The following SPMIP11 variants were observed in gnomAD, a reference collection of about 807,000 sequenced individuals.
The protein encoded by SPMIP11 is long intergenic non-protein coding RNA 935.
the SPMIP11 span, among the ~76,000 whole-genome samples, chr12:48,749,629 C>T: frequency 2.2e-3 from 140 of 62,636 alleles, no homozygotes; most frequent in Admixed American, 0.019. Flanking sequence ...GAGTGAAACT[C>T]GGTGTCAAAA....
the SPMIP11 span, chr12:48,767,889 C>T: frequency 1.3e-5 from 2 of 153,420 alleles, no homozygotes; most frequent in Non-Finnish European, 1.5e-5. Flanking sequence ...CCAGACACCC[C>T]GTTCCCTGGA....
the SPMIP11 span, among the ~76,000 whole-genome samples, chr12:48,738,251 A>AT: frequency 6.6e-6 from 1 of 152,244 alleles, no homozygotes; most frequent in Non-Finnish European, 1.5e-5. Flanking sequence ...ATACAGGCTT[A>AT]TAACAGCAAA....
At chr12:48,735,427 G>T in the SPMIP11 span, among the ~76,000 whole-genome samples, 5 of 152,052 alleles carry the variant, frequency 3.3e-5, no homozygotes, top group Admixed American at 3.3e-4. Context: ...GGTCAACATG[G>T]TGAAACACCC....
At chr12:48,767,985 C>T in the SPMIP11 span, 1 of 157,486 alleles carries the variant, frequency 6.3e-6, no homozygotes, top group East Asian at 1.9e-4. Flanking sequence ...AGATTTGGCA[C>T]ATGGAAACAT....
chr12:48,738,042 C>T, the SPMIP11 span, among the ~76,000 whole-genome samples: 4 of 151,730 alleles, frequency 2.6e-5, no homozygotes, highest in Non-Finnish European at 4.4e-5. Flanking sequence ...CCAGGATGAT[C>T]TTGAACTCCT....
chr12:48,756,771 C>CTTTCTTTTTT, the SPMIP11 span, among the ~76,000 whole-genome samples: 2 of 108,648 alleles, frequency 1.8e-5, no homozygotes, highest in Non-Finnish European at 4.8e-5. Flanking sequence ...ATTTTTTTTT[C>CTTTCTTTTTT]TTTTTTTCTT....
chr12:48,741,005 G>A, the SPMIP11 span, among the ~76,000 whole-genome samples: 2 of 151,576 alleles, frequency 1.3e-5, no homozygotes, highest in African/African-American at 2.4e-5. Flanking sequence ...TGCATTTAGT[G>A]AGCGTGTCTC....
At chr12:48,740,136 C>G in the SPMIP11 span, among the ~76,000 whole-genome samples, 2 of 151,976 alleles carry the variant, frequency 1.3e-5, no homozygotes, top group Non-Finnish European at 1.5e-5. Flanking sequence ...GAAATAAAGC[C>G]AATAAGGTCA....
At chr12:48,769,610 G>C in the SPMIP11 span, among the ~76,000 whole-genome samples, 4 of 142,980 alleles carry the variant, frequency 2.8e-5, no homozygotes, top group Admixed American at 7.0e-5. Context: ...TTTTTGAGAT[G>C]GAGTCTTGCT....
chr12:48,742,284 T>TTTC, the SPMIP11 span, among the ~76,000 whole-genome samples: 26 of 136,824 alleles, frequency 1.9e-4, no homozygotes, highest in South Asian at 5.1e-4. Flanking sequence ...TTTCCTTTTT[T>TTTC]TTTTTTTTTT....
chr12:48,728,525 G>C, the SPMIP11 span, among the ~76,000 whole-genome samples: 1 of 151,982 alleles, frequency 6.6e-6, no homozygotes, highest in Admixed American at 6.6e-5. Flanking sequence ...TGGCTAACAC[G>C]GTGAAACCCC....
chr12:48,742,799 C>T, the SPMIP11 span, among the ~76,000 whole-genome samples: 2 of 151,382 alleles, frequency 1.3e-5, no homozygotes, highest in South Asian at 2.1e-4. Flanking sequence ...GCAGGAGGAT[C>T]GCTTGAACCC....
At chr12:48,757,119 T>C in the SPMIP11 span, among the ~76,000 whole-genome samples, 1 of 151,986 alleles carries the variant, frequency 6.6e-6, no homozygotes, top group Non-Finnish European at 1.5e-5. Flanking sequence ...CTGGAGGAGA[T>C]AGGGAAAGGG....
At chr12:48,762,300 C>T in the SPMIP11 span, among the ~76,000 whole-genome samples, 37 of 149,584 alleles carry the variant, frequency 2.5e-4, no homozygotes, top group African/African-American at 8.1e-4. Context: ...CCTCATGATC[C>T]GCCCACCTCG....
the SPMIP11 span, among the ~76,000 whole-genome samples, chr12:48,755,241 G>A: frequency 5.3e-5 from 8 of 152,148 alleles, no homozygotes; most frequent in Non-Finnish European, 4.4e-5. Flanking sequence ...CATTAAAGGT[G>A]GTTTTATGGC....
the SPMIP11 span, among the ~76,000 whole-genome samples, chr12:48,739,595 A>C: frequency 5.3e-5 from 8 of 152,290 alleles, no homozygotes; most frequent in East Asian, 1.5e-3. Flanking sequence ...GCCTCAGGAA[A>C]CTTACACTCA....
chr12:48,765,469 T>C, the SPMIP11 span: 9 of 611,110 alleles, frequency 1.5e-5, no homozygotes, highest in Admixed American at 2.4e-4. Flanking sequence ...AACCTTGTGA[T>C]CCACCCGCCA....
At chr12:48,730,941 C>T in the SPMIP11 span, among the ~76,000 whole-genome samples, 1 of 151,822 alleles carries the variant, frequency 6.6e-6, no homozygotes, top group African/African-American at 2.4e-5. Flanking sequence ...TCTGTCCCCG[C>T]CCCCCAAAAA....
chr12:48,732,639 G>A, the SPMIP11 span, among the ~76,000 whole-genome samples: 23 of 151,740 alleles, frequency 1.5e-4, no homozygotes, highest in East Asian at 9.7e-4. Flanking sequence ...GTGTGGTGAC[G>A]GACGCCTGTA....
Sources: allele counts gnomAD v4.1 joint callset (sites outside exome capture counted in the v4.1 genomes callset), GRCh38; gene constraint gnomAD v4.1.1; transcripts MANE v1.5; gene names NCBI Gene and HGNC (gene_info 2026-07-23, HGNC 2026-07-21).